RBIS: variants seen among roughly 807,000 people sequenced by gnomAD.
RBIS encodes ribosome biogenesis factor identified in screen.
RBIS carries 9 observed loss-of-function variants against 9.8 expected under a neutral mutation model. The ratio of observed to expected loss-of-function variants is 0.92; its 90% CI spans 0.56 to 1.61. The LOEUF (loss-of-function observed/expected upper bound fraction) is 1.61. Ranked by LOEUF, RBIS falls within the 40% of genes most tolerant of loss-of-function variation. RBIS has a pLI of 0.00. For missense variants in RBIS, 103 were observed against 116.0 expected (o/e 0.89, Z 0.51); for synonymous variants, 35 against 37.9 (o/e 0.92, Z 0.28).
intron 2 of RBIS, 178 bp downstream of exon 2, chr8:85,217,206 AGG>A: frequency 1.5e-6 from 1 of 658,288 alleles, no homozygotes. Flanking sequence ...TTTTCAAGAA[AGG>A]GAGGTTATTT....
rs1813035702 is a variant in RBIS at position 85,214,217 on chromosome 8, C to G, written c.*343G>C. The G allele has an allele frequency of 3.7e-6, 2 of 539,812 alleles. No homozygotes were observed. Among genetic ancestry groups the G allele is most frequent in the Non-Finnish European group, 7.1e-6 (2 of 283,112 alleles). 33.4% of individuals were successfully genotyped at this position (539,812 alleles called of 1,614,324 possible). ...AAACAAGTTGGCCAAGGACTCATTACTTGTCTTATATTTTTACTGCCACTA... is the reference window on the plus strand; with the variant it reads ...AAACAAGTTGGCCAAGGACTCATTAGTTGTCTTATATTTTTACTGCCACTA... On this transcript the variant is annotated 3_prime_UTR_variant, in exon 4 of 4. Transcript: ENST00000619594.
intron 2 of RBIS, 80 bp downstream of exon 2, chr8:85,217,306 A>T (rs1813191452): frequency 6.0e-6 from 5 of 834,520 alleles, no homozygotes; most frequent in Non-Finnish European, 1.1e-5. Context: ...TTTAAAAAGT[A>T]ATAGTATACA....
At chr8:85,216,740 T>A (rs1813167910) in intron 2 of RBIS, 1 of 152,290 alleles carries the variant, frequency 6.6e-6, no homozygotes, top group Non-Finnish European at 1.5e-5. Flanking sequence ...CGCTAGCTCA[T>A]GAAAGTTGAA....
intron 1 of RBIS, among the ~76,000 whole-genome samples, chr8:85,218,022 C>G (rs1398061872): frequency 6.6e-6 from 1 of 152,192 alleles, no homozygotes; most frequent in Non-Finnish European, 1.5e-5. Context: ...CATATTACCT[C>G]TATGTGAACG....
At chr8:85,215,819 TG>T (rs1813127052) in intron 2 of RBIS, 1 of 152,246 alleles carries the variant, frequency 6.6e-6, no homozygotes, top group South Asian at 2.1e-4. Flanking sequence ...GAGGGGGTCA[TG>T]GGAACACTTA....
rs528863997 is a variant in RBIS at position 85,216,623 on chromosome 8, G to A, written c.114+763C>T. 3.9e-5 allele frequency among the ~76,000 whole-genome samples: 6 copies of A among 152,184 alleles called. No individual in the cohort carries two copies. In the South Asian group the frequency reaches 1.2e-3, roughly 32 times the overall value. ...GTCTTGGTTTCAATGTGTCAACTAT[G>A]AAGACCGTCCTATATAAACTGTCAT... On this transcript the variant is annotated intron_variant, in intron 2 of 3. Transcript: ENST00000619594.
intron 1 of RBIS, among the ~76,000 whole-genome samples, chr8:85,219,597 T>A (rs1813283857): frequency 6.6e-6 from 1 of 151,210 alleles, no homozygotes; most frequent in Non-Finnish European, 1.5e-5. Flanking sequence ...TAAAAAAAAT[T>A]AAAATTAGCC....
At position 85,214,444 on chromosome 8, in the gene RBIS, T is replaced by G; in HGVS notation, c.*116A>C. ...AGGTTATAGGAAAGATCTGTTTATG[T>G]AGTTTGTTTTTAAAATGTGCCAATG... On this transcript the variant is annotated 3_prime_UTR_variant, in exon 4 of 4. Coordinates refer to ENST00000619594, the MANE Select transcript of RBIS (RefSeq NM_001099673.3). 1.4e-6 allele frequency: 1 copy of G among 733,002 alleles called. No homozygotes were observed. Among genetic ancestry groups the G allele is most frequent in the Non-Finnish European group, 2.4e-6 (1 of 414,808 alleles). 45.4% of individuals were successfully genotyped at this position (733,002 alleles called of 1,614,324 possible). A position where few individuals can be genotyped will look rare whatever the true frequency, so the allele number is the denominator to read the frequency against.
chr8:85,214,163 G>T lies in RBIS; in HGVS notation c.*397C>A. On this transcript the variant is annotated 3_prime_UTR_variant, in exon 4 of 4. Coordinates refer to ENST00000619594, the MANE Select transcript of RBIS (RefSeq NM_001099673.3). The stretch of plus-strand genomic sequence containing the variant: ...CCTTCTGTTTTTTCTTCTTAAGGAG[G>T]AAAGTTAAAGGACACTACAGGTCAT... 1.9e-6 allele frequency: 1 copy of T among 536,504 alleles called. No homozygotes were observed. Among genetic ancestry groups the T allele is most frequent in the Non-Finnish European group, 3.6e-6 (1 of 281,394 alleles). 33.2% of individuals were successfully genotyped at this position (536,504 alleles called of 1,614,324 possible).
chr8:85,219,903 T>C (rs1042456882), intron 1 of RBIS, among the ~76,000 whole-genome samples: 2 of 151,910 alleles, frequency 1.3e-5, no homozygotes, highest in Non-Finnish European at 2.9e-5. Context: ...ATACGGAACA[T>C]ACACAGACAT....
At position 85,214,646 on chromosome 8, in the gene RBIS, T is replaced by C. The variant is rs759766631; in HGVS notation, c.232-15A>G. On this transcript the variant is annotated splice_polypyrimidine_tract_variant and intron_variant, in intron 3 of 3. Transcript: ENST00000619594. ...TGCTGAGGAATCTGAAAGGAGAAAG[T>C]ATTATATTTAAAAACACAGACAACA... is the stretch of plus-strand genomic sequence containing the variant. 2 of 1,470,750 alleles carry C rather than the reference T, an allele frequency of 1.4e-6. No homozygotes were observed. The highest frequency in any genetic ancestry group is 2.3e-5 in the East Asian group (1 of 44,100). 91.1% of individuals were successfully genotyped at this position (1,470,750 alleles called of 1,614,324 possible).
At chr8:85,216,996 A>G (rs1813176960) in intron 2 of RBIS, 1 of 292,916 alleles carries the variant, frequency 3.4e-6, no homozygotes, top group East Asian at 5.9e-5. Flanking sequence ...CAAAGATACA[A>G]GAATTACTGA....
At position 85,214,118 on chromosome 8, in the gene RBIS, C is replaced by G. The variant is rs1563985995; in HGVS notation, c.*442G>C. On this transcript the variant is annotated 3_prime_UTR_variant, in exon 4 of 4. Coordinates refer to ENST00000619594, the MANE Select transcript of RBIS (RefSeq NM_001099673.3). ...AAAGTAACTATATTCTGGATTTCAACTTTTCTTCTAATTGTGAATCCTTCT... is the reference window on the plus strand; with the variant it reads ...AAAGTAACTATATTCTGGATTTCAAGTTTTCTTCTAATTGTGAATCCTTCT... 1.8e-6 allele frequency: 1 copy of G among 563,850 alleles called. No individual in the cohort carries two copies. Among genetic ancestry groups the G allele is most frequent in the Non-Finnish European group, 3.3e-6 (1 of 301,546 alleles). 34.9% of individuals were successfully genotyped at this position (563,850 alleles called of 1,614,324 possible).
In RBIS at chr8:85,220,340, T is replaced by G. The variant is rs1563989876; in HGVS notation, c.-38A>C. 1 of 152,310 alleles carries G rather than the reference T, an allele frequency of 6.6e-6. No homozygotes were observed. Among genetic ancestry groups the G allele is most frequent in the East Asian group, 1.9e-4 (1 of 5,180 alleles). 9.4% of individuals were successfully genotyped at this position (152,310 alleles called of 1,614,324 possible). A position where few individuals can be genotyped will look rare whatever the true frequency, so the allele number is the denominator to read the frequency against. On this transcript the variant is annotated 5_prime_UTR_variant, in exon 1 of 4. Coordinates refer to ENST00000619594, the MANE Select transcript of RBIS (RefSeq NM_001099673.3). Reference sequence around the variant, plus strand: ...AACACTTGCGTGCAGCTTTTTAAGCTCCAGGTAACACCATCTGGCACGTAC... The same window carrying G: ...AACACTTGCGTGCAGCTTTTTAAGCGCCAGGTAACACCATCTGGCACGTAC...
chr8:85,217,174 GTTTA>G, intron 2 of RBIS: 1 of 635,066 alleles, frequency 1.6e-6, no homozygotes, highest in Non-Finnish European at 2.8e-6. Flanking sequence ...TAGTTAAAAT[GTTTA>G]TTTCTTTTCA....
At chr8:85,215,367 G>C (rs1813101360) in intron 2 of RBIS, 1 of 156,190 alleles carries the variant, frequency 6.4e-6, no homozygotes, top group Non-Finnish European at 1.4e-5. Flanking sequence ...ATTGTATTAA[G>C]AGGGATAAGA....
chr8:85,217,371 T>C lies in RBIS; in HGVS notation c.114+15A>G. The C allele has an allele frequency of 7.1e-7, 1 of 1,412,322 alleles. No homozygotes were observed. The highest frequency in any genetic ancestry group is 1.0e-6 in the Non-Finnish European group (1 of 996,404). 87.5% of individuals were successfully genotyped at this position (1,412,322 alleles called of 1,614,324 possible). A position where few individuals can be genotyped will look rare whatever the true frequency, so the allele number is the denominator to read the frequency against. On this transcript the variant is annotated intron_variant, in intron 2 of 3. Coordinates refer to ENST00000619594, the MANE Select transcript of RBIS (RefSeq NM_001099673.3). ...CTTGTAAACAATAAAGTCAGAGTGCTTAACTAATACTCACCTTCTTAAGAT... is the reference window on the plus strand; with the variant it reads ...CTTGTAAACAATAAAGTCAGAGTGCCTAACTAATACTCACCTTCTTAAGAT...
intron 1 of RBIS, 198 bp from the exon 2 acceptor site, chr8:85,217,700 T>G (rs555748991): frequency 1.7e-6 from 1 of 575,086 alleles, no homozygotes; most frequent in African/African-American, 1.9e-5. Flanking sequence ...TGTATCTAAT[T>G]CTTCCCTGTA....
intron 2 of RBIS, among the ~76,000 whole-genome samples, chr8:85,216,620 T>G (rs983853672): frequency 1.3e-5 from 2 of 152,200 alleles, no homozygotes; most frequent in African/African-American, 2.4e-5. Flanking sequence ...ATGTGTCAAC[T>G]ATGAAGACCG....
Sources: gnomAD v4.1 joint callset for allele counts (sites outside exome capture counted in the v4.1 genomes callset) on GRCh38, gnomAD v4.1.1 for gene constraint, MANE v1.5 for transcripts, NCBI Gene and HGNC (gene_info 2026-07-23, HGNC 2026-07-21) for gene names.